The following TRHDE variants were observed in gnomAD, a reference collection of about 807,000 sequenced individuals.
TRHDE encodes thyrotropin-releasing hormone-degrading ectoenzyme.
In TRHDE, 72 loss-of-function variants were observed where a neutral mutation model predicts 125.7. The observed-to-expected ratio is 0.57, with a 90% CI of 0.47 to 0.70. The LOEUF (loss-of-function observed/expected upper bound fraction) is 0.70, where lower values mean the gene tolerates loss of function less well. Among genes scored for constraint, TRHDE ranks in the 30% least tolerant of loss-of-function variants. The pLI, the probability that TRHDE is intolerant of heterozygous loss-of-function variation, is 0.00. For missense variants in TRHDE, 1,110 were observed against 1,327.1 expected (o/e 0.84, Z 2.54); for synonymous variants, 509 against 509.1 (o/e 1.00, Z 0.00).
intron 2 of TRHDE, among the ~76,000 whole-genome samples, chr12:72,204,145 C>A (rs1012480464): frequency 2.0e-5 from 3 of 152,042 alleles, no homozygotes; most frequent in African/African-American, 4.8e-5. Context: ...TTTTTTGAAC[C>A]ATACACTCTT....
At chr12:72,330,980 T>A (rs1565701308) in intron 2 of TRHDE, among the ~76,000 whole-genome samples, 1 of 152,172 alleles carries the variant, frequency 6.6e-6, no homozygotes, top group Non-Finnish European at 1.5e-5. Flanking sequence ...TTCCAGGTGA[T>A]GTTGCTAGCT....
chr12:72,104,498 G>GA (rs1241795392), intron 1 of TRHDE, among the ~76,000 whole-genome samples: 1 of 151,914 alleles, frequency 6.6e-6, no homozygotes, highest in Non-Finnish European at 1.5e-5. Context: ...CAAGAAGGGA[G>GA]AAAAAAAATT....
chr12:72,090,730 C>T (rs1013819067), intron 1 of TRHDE, among the ~76,000 whole-genome samples: 14 of 151,998 alleles, frequency 9.2e-5, no homozygotes, highest in Non-Finnish European at 1.6e-4. Flanking sequence ...TTATTATAGA[C>T]AATGATAAAA....
intron 2 of TRHDE, among the ~76,000 whole-genome samples, chr12:72,317,367 G>T (rs986722374): frequency 6.6e-6 from 1 of 152,130 alleles, no homozygotes; most frequent in Non-Finnish European, 1.5e-5. Flanking sequence ...GTCTTAGTTT[G>T]TTCCTACTTC....
At chr12:72,270,653 A>G (rs1021153749), upstream of TRHDE, among the ~76,000 whole-genome samples, 2 of 152,194 alleles carry the variant, frequency 1.3e-5, no homozygotes, top group African/African-American at 4.8e-5. Flanking sequence ...TCTATTATTC[A>G]CTTTTTTAAT....
chr12:72,320,092 C>T (rs1869009482), intron 2 of TRHDE, among the ~76,000 whole-genome samples: 1 of 152,044 alleles, frequency 6.6e-6, no homozygotes, highest in African/African-American at 2.4e-5. Flanking sequence ...TTTATTTCCC[C>T]TTACACATGA....
chr12:72,294,658 C>T (rs1478754350), intron 2 of TRHDE, among the ~76,000 whole-genome samples: 4 of 152,148 alleles, frequency 2.6e-5, no homozygotes, highest in African/African-American at 9.6e-5. Context: ...AGTCCCTACT[C>T]TGGTCTGTGG....
At chr12:72,340,970 AC>A (rs764097956) in intron 2 of TRHDE, among the ~76,000 whole-genome samples, 27 of 152,178 alleles carry the variant, frequency 1.8e-4, no homozygotes, top group Admixed American at 1.4e-3. Flanking sequence ...AGTGACTTTA[AC>A]CCAGCTAAGC....
chr12:72,148,527 A>G (rs1288449347), intron 2 of TRHDE, among the ~76,000 whole-genome samples: 1 of 152,222 alleles, frequency 6.6e-6, no homozygotes, highest in Non-Finnish European at 1.5e-5. Flanking sequence ...TAGACAGACT[A>G]TAACAGGTGG....
intron 2 of TRHDE, among the ~76,000 whole-genome samples, chr12:72,164,202 A>G (rs770120628): frequency 1.3e-5 from 2 of 152,236 alleles, no homozygotes; most frequent in South Asian, 2.1e-4. Flanking sequence ...GCTGTTTTCT[A>G]TAGGCTGGAA....
At chr12:72,645,233 A>T (rs952751287) in intron 15 of TRHDE, among the ~76,000 whole-genome samples, 1 of 152,222 alleles carries the variant, frequency 6.6e-6, no homozygotes, top group Non-Finnish European at 1.5e-5. Context: ...AGTACAGTGC[A>T]TTAAAAAATG....
At chr12:72,204,081 C>T (rs997398714) in intron 2 of TRHDE, among the ~76,000 whole-genome samples, 3 of 152,102 alleles carry the variant, frequency 2.0e-5, no homozygotes, top group African/African-American at 7.2e-5. Flanking sequence ...TAAATTACAG[C>T]CAGATATCTT....
Position 72,286,664 on chromosome 12 carries a change from C to A in TRHDE, c.915-17C>A, listed in dbSNP as rs761977692. On this transcript the variant is annotated splice_polypyrimidine_tract_variant and intron_variant, in intron 1 of 18. Transcript: ENST00000261180. ...ACAACATAAATGTAATTGAGAATGT[C>A]ATTTTCTTTTTTCCAGATTCCTTGG... 5.6e-6 allele frequency: 9 copies of A among 1,607,990 alleles called. No homozygotes were observed. Among genetic ancestry groups the A allele is most frequent in the Non-Finnish European group, 5.9e-6 (7 of 1,176,502 alleles).
At chr12:72,121,370 C>A (rs183455366) in intron 2 of TRHDE, among the ~76,000 whole-genome samples, 1 of 152,166 alleles carries the variant, frequency 6.6e-6, no homozygotes, top group Non-Finnish European at 1.5e-5. Flanking sequence ...ATAGTGGCAG[C>A]GCTTTCTGGA....
At position 72,638,386 on chromosome 12, in the gene TRHDE, G is replaced by A. The variant is rs7957878; in HGVS notation, c.2676-13936G>A. 3.7e-3 allele frequency among the ~76,000 whole-genome samples: 555 copies of A among 151,982 alleles called. 6 individuals carry two copies. Among genetic ancestry groups the A allele is most frequent in the African/African-American group, 0.013 (541 of 41,388 alleles). On this transcript the variant is annotated intron_variant, in intron 15 of 18. Transcript: ENST00000261180. ...ATCTTCTTCCATCCCTTTATTTTGA[G>A]CCTATGTTTGTCTCTGCACGTGAGA...
At chr12:72,381,859 A>G (rs1218251674) in intron 3 of TRHDE, among the ~76,000 whole-genome samples, 1 of 152,204 alleles carries the variant, frequency 6.6e-6, no homozygotes, top group Non-Finnish European at 1.5e-5. Context: ...TGTCTATTTA[A>G]CATTTAGGTG....
rs553940244 is a variant in TRHDE, at chr12:72,630,513, G to A, written c.2675+8762G>A. Among the ~76,000 whole-genome samples, 4 of 151,774 alleles carry A rather than the reference G, an allele frequency of 2.6e-5. No individual in the cohort carries two copies. The South Asian group carries it at 8.4e-4, about 32-fold the overall frequency. On this transcript the variant is annotated intron_variant, in intron 15 of 18. Transcript: ENST00000261180. ...AATTTCTGTGATTTCAAGCCACCAA[G>A]TTTATGGTAATTTATTTGGCAGCTC...
intron 2 of TRHDE, among the ~76,000 whole-genome samples, chr12:72,212,313 A>G (rs1243350598): frequency 6.6e-6 from 1 of 152,046 alleles, no homozygotes; most frequent in Non-Finnish European, 1.5e-5. Flanking sequence ...TTTATGATTG[A>G]CTTTTTAGAT....
intron 2 of TRHDE, among the ~76,000 whole-genome samples, chr12:72,211,030 C>T (rs1254115863): frequency 6.6e-6 from 1 of 152,172 alleles, no homozygotes; most frequent in South Asian, 2.1e-4. Flanking sequence ...GATTCGACCA[C>T]CCTCCTAGAC....
Sources: allele counts gnomAD v4.1 joint callset (sites outside exome capture counted in the v4.1 genomes callset), GRCh38; gene constraint gnomAD v4.1.1; transcripts MANE v1.5; gene names NCBI Gene and HGNC (gene_info 2026-07-23, HGNC 2026-07-21).